Variants in DISC1 observed in about 807,000 individuals in gnomAD.
DISC1 encodes disrupted in schizophrenia 1 protein.
In DISC1, 57 loss-of-function variants were observed where a neutral mutation model predicts 84.5. That is an observed-to-expected ratio of 0.67 (90% CI 0.55 to 0.84). The LOEUF is 0.84. Ranked by LOEUF, DISC1 falls within the 40% of genes least tolerant of loss-of-function variation. The pLI, the probability that DISC1 is intolerant of heterozygous loss-of-function variation, is 0.00. For missense variants in DISC1, 1,000 were observed against 1,057.8 expected, an observed-to-expected ratio of 0.95 and a Z score of 0.76; for synonymous variants, 411 against 415.2, an observed-to-expected ratio of 0.99 and a Z score of 0.12.
intron 1 of DISC1, among the ~76,000 whole-genome samples, chr1:231,691,499 A>G (rs1219058613): frequency 2.0e-5 from 3 of 152,154 alleles, no homozygotes; most frequent in African/African-American, 4.8e-5. Flanking sequence ...CAGGCCTTGG[A>G]AAAGAAATGA....
At chr1:231,949,604 G>T (rs998386243) in intron 9 of DISC1, among the ~76,000 whole-genome samples, 12 of 152,136 alleles carry the variant, frequency 7.9e-5, no homozygotes, top group African/African-American at 2.9e-4. Flanking sequence ...GGCACCTCCA[G>T]CCTGGAAAAC....
At chr1:231,937,102 C>G (rs143762204) in intron 9 of DISC1, among the ~76,000 whole-genome samples, 196 of 152,306 alleles carry the variant, frequency 1.3e-3, no homozygotes, top group African/African-American at 4.4e-3. Flanking sequence ...AAATTACACT[C>G]TAATCTGCAG....
intron 1 of DISC1, among the ~76,000 whole-genome samples, chr1:231,652,802 T>G (rs961043041): frequency 6.6e-6 from 1 of 152,160 alleles, no homozygotes; most frequent in African/African-American, 2.4e-5. Flanking sequence ...TTTTCTGAGA[T>G]GGAGGCTCGC....
intron 9 of DISC1, among the ~76,000 whole-genome samples, chr1:231,942,401 C>T (rs61836995): frequency 0.13 from 19,052 of 152,156 alleles, 1,689 homozygotes; most frequent in East Asian, 0.41. Context: ...CAGTGGCTCC[C>T]GCCTGTAATC....
intron 1 of DISC1, among the ~76,000 whole-genome samples, chr1:231,635,014 C>T (rs963827049): frequency 6.6e-6 from 1 of 152,184 alleles, no homozygotes; most frequent in Non-Finnish European, 1.5e-5. Context: ...GCCTGGTATT[C>T]TTAGGCCTTA....
At chr1:231,843,756 C>A (rs752268055) in intron 9 of DISC1, among the ~76,000 whole-genome samples, 2 of 152,094 alleles carry the variant, frequency 1.3e-5, no homozygotes, top group Non-Finnish European at 2.9e-5. Context: ...TCATTAGAAT[C>A]AAGGCCATAA....
chr1:231,886,163 A>G (rs1364946772), intron 9 of DISC1, among the ~76,000 whole-genome samples: 1 of 152,160 alleles, frequency 6.6e-6, no homozygotes, highest in African/African-American at 2.4e-5. Context: ...AACACCTCCC[A>G]TTAGGCCCCA....
At chr1:231,772,233 G>T (rs1349498010) in intron 6 of DISC1, among the ~76,000 whole-genome samples, 1 of 152,130 alleles carries the variant, frequency 6.6e-6, no homozygotes, top group Admixed American at 6.5e-5. Context: ...TGGGATTACA[G>T]GTTTTAGCCA....
chr1:231,972,748 G>T (rs1662182692), intron 10 of DISC1, among the ~76,000 whole-genome samples: 1 of 152,192 alleles, frequency 6.6e-6, no homozygotes, highest in Non-Finnish European at 1.5e-5. Context: ...TAAAGAAAAT[G>T]GCAGTTGATG....
At chr1:231,995,282 T>G (rs1470879030) in intron 10 of DISC1, among the ~76,000 whole-genome samples, 1 of 152,102 alleles carries the variant, frequency 6.6e-6, no homozygotes, top group Non-Finnish European at 1.5e-5. Context: ...ATATCAGATA[T>G]TTTACACCAT....
intron 9 of DISC1, among the ~76,000 whole-genome samples, chr1:231,916,651 T>C (rs954650312): frequency 1.1e-5 from 1 of 91,940 alleles, no homozygotes; most frequent in African/African-American, 5.0e-5. Flanking sequence ...CGAGACTCCG[T>C]CTCAAAAAAA....
At chr1:232,030,550 T>A (rs1669907391) in intron 12 of DISC1, among the ~76,000 whole-genome samples, 1 of 152,214 alleles carries the variant, frequency 6.6e-6, no homozygotes, top group South Asian at 2.1e-4. Context: ...TTTCTCTGGT[T>A]ATTTGGAGTG....
At chr1:231,880,771 A>G (rs2086236533) in intron 9 of DISC1, among the ~76,000 whole-genome samples, 1 of 151,498 alleles carries the variant, frequency 6.6e-6, no homozygotes, top group East Asian at 2.0e-4. Context: ...GGGGGGTGAA[A>G]TCATCGGGAT....
intron 10 of DISC1, among the ~76,000 whole-genome samples, chr1:231,996,060 G>A (rs1218515117): frequency 3.9e-5 from 6 of 152,148 alleles, no homozygotes; most frequent in East Asian, 1.9e-4. Context: ...GTATCTCATC[G>A]TGGTTTTGAT....
chr1:231,843,525 G>A (rs1371743986), intron 9 of DISC1, among the ~76,000 whole-genome samples: 1 of 152,198 alleles, frequency 6.6e-6, no homozygotes, highest in Admixed American at 6.5e-5. Context: ...CACTGGGCAC[G>A]AGGGCCATCC....
intron 10 of DISC1, among the ~76,000 whole-genome samples, chr1:232,005,710 A>G (rs776684973): frequency 3.7e-4 from 56 of 152,176 alleles, no homozygotes; most frequent in Admixed American, 1.2e-3. Flanking sequence ...TAATATGTCC[A>G]AAAAAATAGG....
At chr1:231,847,236 C>G (rs1428076071) in intron 9 of DISC1, among the ~76,000 whole-genome samples, 1 of 152,072 alleles carries the variant, frequency 6.6e-6, no homozygotes, top group East Asian at 1.9e-4. Context: ...TTGTGTGTGT[C>G]TGTGTCCTCA....
At chr1:231,814,770 C>G (rs867409838) in intron 8 of DISC1, among the ~76,000 whole-genome samples, 3 of 152,052 alleles carry the variant, frequency 2.0e-5, no homozygotes, top group Non-Finnish European at 4.4e-5. Context: ...CAGGCAACAG[C>G]CAGTACGCAG....
At chr1:231,898,536 A>C in intron 9 of DISC1, among the ~76,000 whole-genome samples, 1 of 152,258 alleles carries the variant, frequency 6.6e-6, no homozygotes, top group East Asian at 1.9e-4. Context: ...GACCATGGAA[A>C]GTTTTGAAGT....
Sources: allele counts gnomAD v4.1 joint callset (sites outside exome capture counted in the v4.1 genomes callset), GRCh38; gene constraint gnomAD v4.1.1; transcripts MANE v1.5; gene names NCBI Gene and HGNC (gene_info 2026-07-23, HGNC 2026-07-21).